GSTA1: variants seen among roughly 807,000 people sequenced by gnomAD.
The protein encoded by GSTA1 is glutathione S-transferase alpha 1.
GSTA1 carries 23 observed loss-of-function variants against 21.5 expected under a neutral mutation model. The ratio of observed to expected loss-of-function variants is 1.07; its 90% CI spans 0.77 to 1.52. GSTA1 has a LOEUF of 1.52. Among genes scored for constraint, GSTA1 ranks in the 40% most tolerant of loss-of-function variants. GSTA1 has a pLI of 0.00. For synonymous variants in GSTA1, 125 were observed against 90.0 expected, an observed-to-expected ratio of 1.39 and a Z score of -2.20; for missense variants, 301 against 264.2, an observed-to-expected ratio of 1.14 and a Z score of -0.96.
chr6:52,796,431 G>T (rs1763584503), intron 3 of GSTA1, 117 bp from the exon 4 acceptor site: 1 of 1,314,686 alleles, frequency 7.6e-7, no homozygotes, highest in Non-Finnish European at 1.0e-6. Context: ...TTACTGCCTG[G>T]TAAGATTTCA....
In GSTA1 at chr6:52,794,123, A is replaced by G; in HGVS notation, c.414+2T>C. The G allele has an allele frequency of 6.2e-7, 1 of 1,613,812 alleles. No homozygotes were observed. Among genetic ancestry groups the G allele is most frequent in the Non-Finnish European group, 8.5e-7 (1 of 1,179,720 alleles). On this transcript the variant is annotated splice_donor_variant, in intron 5 of 6. Coordinates refer to ENST00000334575, the MANE Select transcript of GSTA1 (RefSeq NM_145740.5). LOFTEE classifies it high-confidence loss of function. ...CCCAAAACACTGAACTGCTTCACTT[A>G]CTTTTTCAAAGGCAGGGAAGTAGCG...
At chr6:52,793,114 A>C (rs1340315398) in intron 5 of GSTA1, 127 bp from the exon 6 acceptor site, 76 of 1,304,458 alleles carry the variant, frequency 5.8e-5, no homozygotes, top group South Asian at 1.5e-4. Flanking sequence ...GCAGAAATCC[A>C]GAGCTTTCTC....
intron 1 of GSTA1, among the ~76,000 whole-genome samples, chr6:52,800,357 G>A (rs184482171): frequency 6.6e-6 from 1 of 152,158 alleles, no homozygotes; most frequent in East Asian, 1.9e-4. Flanking sequence ...TAGTGTTTCT[G>A]AAATATGCAT....
In GSTA1 at chr6:52,797,342, G is replaced by A. The variant is rs571426093; in HGVS notation, c.139+244C>T. Among the ~76,000 whole-genome samples the A allele has an allele frequency of 1.2e-4, 18 of 152,218 alleles. No individual in the cohort carries two copies. The South Asian group carries it at 3.1e-3, about 26-fold the overall frequency. ...TGCCCCAAGCATGAAAACAAAGAAA[G>A]GGCTTTCTCAGCGGTGGGAGATTGT... On this transcript the variant is annotated intron_variant, in intron 3 of 6. Coordinates refer to ENST00000334575, the MANE Select transcript of GSTA1 (RefSeq NM_145740.5).
At chr6:52,799,325 A>T in intron 1 of GSTA1, 28 bp from the exon 2 acceptor site, 1 of 1,409,426 alleles carries the variant, frequency 7.1e-7, no homozygotes, top group Non-Finnish European at 9.9e-7. Context: ...TGAATGAATA[A>T]TTGAAACGAT....
intron 3 of GSTA1, among the ~76,000 whole-genome samples, 175 bp from the exon 4 acceptor site, chr6:52,796,489 A>ATATGTGTG (rs1763589125): frequency 7.7e-4 from 10 of 13,062 alleles, no homozygotes; most frequent in African/African-American, 3.5e-3. Flanking sequence ...ATATATATAT[A>ATATGTGTG]TGTGTGTGTG....
At chr6:52,792,079 A>T in intron 6 of GSTA1, 99 bp from the exon 7 acceptor site, 1 of 1,528,148 alleles carries the variant, frequency 6.5e-7, no homozygotes, top group Non-Finnish European at 8.9e-7. Flanking sequence ...AGACCAAGTG[A>T]GTCTGCTCCA....
intron 2 of GSTA1, 21 bp downstream of exon 2, chr6:52,799,160 A>T: frequency 6.2e-7 from 1 of 1,607,366 alleles, no homozygotes; most frequent in Non-Finnish European, 8.5e-7. Flanking sequence ...CCAACTTAAG[A>T]TGACCTAACT....
chr6:52,803,039 T>C (rs1052133288), intron 1 of GSTA1, among the ~76,000 whole-genome samples: 2 of 152,044 alleles, frequency 1.3e-5, no homozygotes, highest in African/African-American at 4.8e-5. Context: ...GCTCCTCTGC[T>C]CCAGAGGACA....
In GSTA1 at chr6:52,791,643, G is replaced by A; in HGVS notation, c.*215C>T. ...ATTCCAGGAAAATGGTTGGCTAGGA[G>A]AAGATTGGAAATCTGAATTCACATC... On this transcript the variant is annotated 3_prime_UTR_variant, in exon 7 of 7. Coordinates refer to ENST00000334575, the MANE Select transcript of GSTA1 (RefSeq NM_145740.5). The A allele has an allele frequency of 3.8e-6, 2 of 519,544 alleles. No individual in the cohort carries two copies. The highest frequency in any genetic ancestry group is 3.8e-5 in the Admixed American group (1 of 26,106). The allele number at this position is 519,544 out of a possible 1,614,324, so 32.2% of individuals were successfully genotyped here. A position where few individuals can be genotyped will look rare whatever the true frequency, so the allele number is the denominator to read the frequency against.
In GSTA1 at chr6:52,799,219, C is replaced by G. The variant is rs750671141; in HGVS notation, c.49G>C (p.Glu17Gln). ...LHYFNARGRM[E>Q]STRWLLAAAG... ...GCAGCCAGGAGCCACCGGGTGGACT[C>G]CATTCTGCCCCGTGCATTGAAGTAG... The change falls in exon 2 of 7, where the codon GAG becomes CAG. Residue 17 changes from glutamate to glutamine, a missense_variant. Physicochemically the swap from Glu to Gln is conservative, Grantham distance 29. Transcript: ENST00000334575. The G allele has an allele frequency of 6.2e-7, 1 of 1,614,018 alleles. No homozygotes were observed. Among genetic ancestry groups the G allele is most frequent in the Non-Finnish European group, 8.5e-7 (1 of 1,179,924 alleles).
At chr6:52,795,850 A>G (rs1400205430) in intron 4 of GSTA1, among the ~76,000 whole-genome samples, 1 of 152,050 alleles carries the variant, frequency 6.6e-6, no homozygotes, top group Non-Finnish European at 1.5e-5. Context: ...CCTGTCCTAA[A>G]CTGTTGGCCA....
intron 4 of GSTA1, among the ~76,000 whole-genome samples, chr6:52,794,748 T>C (rs1317126378): frequency 6.6e-6 from 1 of 152,178 alleles, no homozygotes; most frequent in Non-Finnish European, 1.5e-5. Context: ...ATGCCCCATA[T>C]TTGCAGTTCT....
In GSTA1 at chr6:52,799,250, C is replaced by T; in HGVS notation, c.18G>A (p.Lys6=). The change falls in exon 2 of 7, where the codon AAG becomes AAA. Residue 6 remains lysine (K), a synonymous_variant. Coordinates refer to ENST00000334575, the MANE Select transcript of GSTA1 (RefSeq NM_145740.5). MAEKP[K]LHYFNARGRM... ...TGCCCCGTGCATTGAAGTAGTGGAG[C>T]TTGGGCTTCTCTGCCATGATAGCAG... 1.2e-6 allele frequency: 2 copies of T among 1,613,836 alleles called. No individual in the cohort carries two copies. The highest frequency in any genetic ancestry group is 1.7e-6 in the Non-Finnish European group (2 of 1,179,846).
chr6:52,792,517 G>A (rs538664366), intron 6 of GSTA1, among the ~76,000 whole-genome samples: 10 of 152,212 alleles, frequency 6.6e-5, no homozygotes, highest in South Asian at 4.2e-4. Flanking sequence ...TGCTCAGACC[G>A]GCTCATTGTG....
In GSTA1 at chr6:52,791,863, A is replaced by T; in HGVS notation, c.664T>A (p.Phe222Ile). 6.2e-7 allele frequency: 1 copy of T among 1,613,992 alleles called. No individual in the cohort carries two copies. The stretch of plus-strand genomic sequence containing the variant: ...TGGCCTCCATGACTGCGTTATTAAA[A>T]CCTGAAAATCTTCCTTGCTTCTTCT... Reference protein sequence around the residue: ...SLEEARKIFRF With the variant: ...SLEEARKIFRI The change falls in exon 7 of 7, where the codon TTT (phenylalanine) becomes ATT (isoleucine). Residue 222 changes from phenylalanine (F) to isoleucine (I), a missense_variant. Phe to Ile is a conservative substitution (Grantham distance 21). Transcript: ENST00000334575.
chr6:52,803,234 C>G (rs188723066), intron 1 of GSTA1, among the ~76,000 whole-genome samples: 89 of 152,264 alleles, frequency 5.8e-4, no homozygotes, highest in Middle Eastern at 3.4e-3. Flanking sequence ...TAGCTATCCT[C>G]TATATTGGCC....
rs1763517388 is a variant in GSTA1 at position 52,794,011 on chromosome 6, G to A, written c.414+114C>T. On this transcript the variant is annotated intron_variant, in intron 5 of 6. Transcript: ENST00000334575. Reference sequence around the variant, plus strand: ...GCCTTGAGAGTCAGAGTGCTGCATTGGTGTTCAGGAAGTCTCACTGAAAGT... The same window carrying A: ...GCCTTGAGAGTCAGAGTGCTGCATTAGTGTTCAGGAAGTCTCACTGAAAGT... The A allele has an allele frequency of 1.7e-5, 22 of 1,262,630 alleles. No homozygotes were observed. In the South Asian group the frequency reaches 2.6e-4, roughly 15 times the overall value. The allele number at this position is 1,262,630 out of a possible 1,614,324, so 78.2% of individuals were successfully genotyped here. A position where few individuals can be genotyped will look rare whatever the true frequency, so the allele number is the denominator to read the frequency against.
intron 4 of GSTA1, among the ~76,000 whole-genome samples, chr6:52,795,797 T>C (rs1763562045): frequency 6.6e-6 from 1 of 152,214 alleles, no homozygotes; most frequent in African/African-American, 2.4e-5. Context: ...TTTGCAACTT[T>C]CCCTCCCCAG....
Sources: gnomAD v4.1 joint callset for allele counts (sites outside exome capture counted in the v4.1 genomes callset) on GRCh38, gnomAD v4.1.1 for gene constraint, MANE v1.5 for transcripts, NCBI Gene and HGNC (gene_info 2026-07-23, HGNC 2026-07-21) for gene names.